RAB27A: variants seen among roughly 807,000 people sequenced by gnomAD.
RAB27A encodes the protein ras-related protein Rab-27A.
Under a neutral mutation model 20.8 loss-of-function variants are expected in RAB27A, and 17 were observed. That is an observed-to-expected ratio of 0.82 (90% CI 0.56 to 1.23). The LOEUF is 1.23. Among genes scored for constraint, RAB27A ranks in the 50% most tolerant of loss-of-function variants. The pLI, the probability that RAB27A is intolerant of heterozygous loss-of-function variation, is 0.00. For synonymous variants in RAB27A, 85 were observed against 92.8 expected, an observed-to-expected ratio of 0.92 and a Z score of 0.48; for missense variants, 277 against 266.7, an observed-to-expected ratio of 1.04 and a Z score of -0.27.
rs1392576459 is a variant in RAB27A, at chr15:55,296,784, G to A, written c.-112+17255C>T. 4.6e-5 allele frequency among the ~76,000 whole-genome samples: 7 copies of A among 152,132 alleles called. No homozygotes were observed. In the East Asian group the frequency reaches 1.2e-3, roughly 25 times the overall value. ...CCCTACCGCCGGTCCCATGGTCCCT[G>A]CCCAGCTTTGCATTCCCTGCCTTGC... On this transcript the variant is annotated intron_variant, in intron 2 of 5. Coordinates refer to the RAB27A transcript ENST00000563262.
chr15:55,312,121 C>A lies in RAB27A; in HGVS notation c.-112+1918G>T, dbSNP rs574616965. On this transcript the variant is annotated intron_variant, in intron 2 of 5. Coordinates refer to the RAB27A transcript ENST00000563262. ...ACCCAGGCTCTTAGCCGTGCAGGAA[C>A]AATGGCAAGCCTTCAGTCCGATCAG... Among the ~76,000 whole-genome samples the A allele has an allele frequency of 5.9e-5, 9 of 152,332 alleles. No homozygotes were observed. In the South Asian group the frequency reaches 1.9e-3, roughly 32 times the overall value.
At chr15:55,229,660 C>T (rs57297946) in intron 4 of RAB27A, among the ~76,000 whole-genome samples, 7,025 of 150,700 alleles carry the variant, frequency 0.047, 580 homozygotes, top group African/African-American at 0.16. Context: ...AATGAAACTC[C>T]GCCCAAAAAA....
chr15:55,287,907 A>C (rs1322481201), intron 1 of RAB27A, among the ~76,000 whole-genome samples: 1 of 152,196 alleles, frequency 6.6e-6, no homozygotes, highest in African/African-American at 2.4e-5. Context: ...AGACATACAG[A>C]TCAATGGAAT....
intron 2 of RAB27A, among the ~76,000 whole-genome samples, chr15:55,299,378 G>A (rs2054962246): frequency 6.6e-6 from 1 of 152,154 alleles, no homozygotes. Flanking sequence ...TGAATCACCT[G>A]AGGTCAGGAG....
chr15:55,295,687 C>A (rs1365225524), intron 2 of RAB27A, among the ~76,000 whole-genome samples: 1 of 152,030 alleles, frequency 6.6e-6, no homozygotes, highest in African/African-American at 2.4e-5. Flanking sequence ...TTTCCAGAGG[C>A]TAGGGAGAGG....
chr15:55,248,208 G>A (rs1398623155), intron 2 of RAB27A, among the ~76,000 whole-genome samples: 1 of 152,042 alleles, frequency 6.6e-6, no homozygotes, highest in Non-Finnish European at 1.5e-5. Context: ...CTTCACAGCT[G>A]ATTTTCATTT....
chr15:55,234,816 G>T lies in RAB27A; in HGVS notation c.119C>A (p.Thr40Lys). 6.2e-7 allele frequency: 1 copy of T among 1,611,790 alleles called. No homozygotes were observed. The highest frequency in any genetic ancestry group is 2.2e-5 in the East Asian group (1 of 44,790). The change falls in exon 3 of 7, where the codon ACA becomes AAA. Residue 40 changes from threonine (T) to lysine (K), a missense_variant. Physicochemically the swap from Thr to Lys is moderately conservative, Grantham distance 78. Coordinates refer to ENST00000336787, the MANE Select transcript of RAB27A (RefSeq NM_183235.3). ...TDGKFNSKFI[T>K]TVGIDFREKR... ...TTCCCTGAAATCAATGCCCACTGTT[G>T]TGATAAATTTGGAGTTAAATTTACC...
intron 2 of RAB27A, among the ~76,000 whole-genome samples, chr15:55,305,679 T>C (rs527869292): frequency 6.6e-6 from 1 of 152,314 alleles, no homozygotes; most frequent in East Asian, 1.9e-4. Flanking sequence ...AATAACAGCA[T>C]TCTTCTCCTA....
intron 1 of RAB27A, among the ~76,000 whole-genome samples, chr15:55,278,219 A>G (rs1237081521): frequency 6.6e-6 from 1 of 152,212 alleles, no homozygotes; most frequent in African/African-American, 2.4e-5. Flanking sequence ...AAAACATATT[A>G]AAGAAATTTA....
intron 6 of RAB27A, among the ~76,000 whole-genome samples, chr15:55,217,001 A>G (rs996438570): frequency 7.9e-5 from 12 of 152,152 alleles, no homozygotes; most frequent in African/African-American, 2.9e-4. Context: ...ATTTCAAGGT[A>G]TAAGAGCTCT....
At chr15:55,231,210 A>G (rs1488115154) in intron 3 of RAB27A, among the ~76,000 whole-genome samples, 5 of 152,282 alleles carry the variant, frequency 3.3e-5, no homozygotes, top group African/African-American at 1.2e-4. Flanking sequence ...TCTCTATCCA[A>G]TCCACCACTG....
At chr15:55,283,589 C>A (rs939665464) in intron 1 of RAB27A, among the ~76,000 whole-genome samples, 2 of 152,156 alleles carry the variant, frequency 1.3e-5, no homozygotes, top group Non-Finnish European at 2.9e-5. Context: ...AATGACTTAT[C>A]TTTTCAAGGA....
At chr15:55,260,458 C>A (rs1897233597) in intron 2 of RAB27A, among the ~76,000 whole-genome samples, 1 of 152,200 alleles carries the variant, frequency 6.6e-6, no homozygotes, top group South Asian at 2.1e-4. Flanking sequence ...GAAGGGAGAA[C>A]TCATGTCCAC....
Position 55,205,013 on chromosome 15 carries a change from G to A in RAB27A, c.*494C>T, listed in dbSNP as rs1005894054. The A allele has an allele frequency of 6.7e-5, 13 of 192,882 alleles. No homozygotes were observed. Among genetic ancestry groups the A allele is most frequent in the Non-Finnish European group, 1.3e-4 (12 of 92,176 alleles). The allele number at this position is 192,882 out of a possible 1,614,324, so 11.9% of individuals were successfully genotyped here. ...ATACTCAAAGACATTGAGCTGATGT[G>A]CATGTATATTCTTATTTAACATTTA... On this transcript the variant is annotated 3_prime_UTR_variant, in exon 7 of 7. Coordinates refer to ENST00000336787, the MANE Select transcript of RAB27A (RefSeq NM_183235.3).
intron 2 of RAB27A, among the ~76,000 whole-genome samples, chr15:55,265,049 C>T (rs1253509440): frequency 6.6e-6 from 1 of 152,126 alleles, no homozygotes; most frequent in African/African-American, 2.4e-5. Flanking sequence ...TCAAGACCAG[C>T]CTGACCAACA....
intron 6 of RAB27A, among the ~76,000 whole-genome samples, chr15:55,217,446 G>A (rs116304693): frequency 4.2e-4 from 64 of 151,944 alleles, no homozygotes; most frequent in African/African-American, 1.5e-3. Flanking sequence ...CATCACTTGA[G>A]GCCAAAAGTT....
intron 6 of RAB27A, among the ~76,000 whole-genome samples, chr15:55,216,282 C>T (rs1293683007): frequency 1.3e-5 from 2 of 152,176 alleles, no homozygotes; most frequent in East Asian, 3.9e-4. Context: ...ACCTGTAATC[C>T]CAGCACTTTG....
intron 6 of RAB27A, among the ~76,000 whole-genome samples, chr15:55,220,919 T>C (rs1895539827): frequency 6.6e-6 from 1 of 152,254 alleles, no homozygotes; most frequent in Non-Finnish European, 1.5e-5. Context: ...GGACTCTGTT[T>C]CTAGCCCTTT....
chr15:55,286,912 C>CTTTTTTT (rs35313703), intron 1 of RAB27A, among the ~76,000 whole-genome samples: 5 of 57,166 alleles, frequency 8.7e-5, no homozygotes, highest in Admixed American at 2.8e-4. Flanking sequence ...TAGATGTATT[C>CTTTTTTT]TTTTTTTTTT....
Sources: gnomAD v4.1 joint callset for allele counts (sites outside exome capture counted in the v4.1 genomes callset) on GRCh38, gnomAD v4.1.1 for gene constraint, MANE v1.5 for transcripts, NCBI Gene and HGNC (gene_info 2026-07-23, HGNC 2026-07-21) for gene names.